Variants in TRRAP observed in about 807,000 individuals in gnomAD.
TRRAP encodes the protein transformation/transcription domain associated protein, also known as transformation/transcription domain-associated protein.
Under a neutral mutation model 438.8 loss-of-function variants are expected in TRRAP, and 41 were observed. The observed-to-expected ratio is 0.09, with a 90% CI of 0.07 to 0.12. The LOEUF (loss-of-function observed/expected upper bound fraction) is 0.12, where lower values mean the gene tolerates loss of function less well. Ranked by LOEUF, TRRAP falls within the 10% of genes least tolerant of loss-of-function variation. The probability of loss-of-function intolerance (pLI) is 1.00; values close to 1 mark genes in which losing one functional copy is unlikely to be tolerated. For synonymous variants in TRRAP, 1,994 were observed against 1,962.9 expected (o/e 1.02, Z -0.42); for missense variants, 3,122 against 5,055.1 (o/e 0.62, Z 11.60).
chr7:98,935,042 T>C (rs568353171), intron 27 of TRRAP, among the ~76,000 whole-genome samples: 80 of 152,220 alleles, frequency 5.3e-4, no homozygotes, highest in Admixed American at 9.8e-4. Flanking sequence ...AGATAACAGA[T>C]AGAGAAATAT....
chr7:98,899,348 C>T, intron 8 of TRRAP, 74 bp from the exon 9 acceptor site: 6 of 1,232,588 alleles, frequency 4.9e-6, no homozygotes, highest in Non-Finnish European at 7.2e-6. Flanking sequence ...GTGGGTGATG[C>T]TCAGTGGGCA....
chr7:98,987,370 T>C (rs977724894), intron 62 of TRRAP, among the ~76,000 whole-genome samples: 1 of 152,222 alleles, frequency 6.6e-6, no homozygotes, highest in Non-Finnish European at 1.5e-5. Flanking sequence ...TTTCCACTAG[T>C]TTAGGTCTTC....
intron 36 of TRRAP, 22 bp from the exon 37 acceptor site, chr7:98,949,638 C>G: frequency 1.9e-6 from 3 of 1,603,424 alleles, no homozygotes; most frequent in Non-Finnish European, 2.6e-6. Context: ...ACACGGTTCC[C>G]TAATTATCTC....
intron 67 of TRRAP, among the ~76,000 whole-genome samples, chr7:98,996,193 T>C (rs576445668): frequency 7.9e-5 from 12 of 152,334 alleles, no homozygotes; most frequent in Non-Finnish European, 1.3e-4. Flanking sequence ...CTGTGTCCCA[T>C]CTACACACCC....
chr7:98,888,435 G>A (rs191758144), intron 3 of TRRAP, among the ~76,000 whole-genome samples: 81 of 151,722 alleles, frequency 5.3e-4, no homozygotes, highest in Middle Eastern at 6.9e-3. Context: ...TACTCGAGAG[G>A]CTGAGGCAGG....
rs1487137678 is a variant in TRRAP, at chr7:98,976,144, C to G, written c.7840-5C>G. 1.9e-6 allele frequency: 3 copies of G among 1,613,626 alleles called. No homozygotes were observed. Among genetic ancestry groups the G allele is most frequent in the Non-Finnish European group, 2.5e-6 (3 of 1,179,856 alleles). On this transcript the variant is annotated splice_polypyrimidine_tract_variant and splice_region_variant and intron_variant, in intron 53 of 72. Transcript: ENST00000456197. This position sits in a 1 kb window ranked among gnomAD's most constrained non-coding sequence, Gnocchi z 4.6. The stretch of plus-strand genomic sequence containing the variant: ...CATCTCAGCCTGTTGTCTTTCTGTT[C>G]ATAGACTGGAGCGCTGCTCAGCGCT...
intron 62 of TRRAP, among the ~76,000 whole-genome samples, chr7:98,988,241 A>G (rs185621495): frequency 6.6e-6 from 1 of 152,356 alleles, no homozygotes; most frequent in East Asian, 1.9e-4. Context: ...AAGTAAGCAT[A>G]GAGTTCCCAC....
chr7:98,908,896 C>G lies in TRRAP; in HGVS notation c.1284C>G (p.Asp428Glu). The G allele has an allele frequency of 6.2e-7, 1 of 1,614,064 alleles. No individual in the cohort carries two copies. The highest frequency in any genetic ancestry group is 8.5e-7 in the Non-Finnish European group (1 of 1,179,990). ...MSCKLLLNLV[D>E]CIRSKSEQES... ...GCAAGCTCCTGCTGAACCTGGTGGACTGCATCCGTTCCAAGAGCGAGCAGG... is the reference window on the plus strand; with the variant it reads ...GCAAGCTCCTGCTGAACCTGGTGGAGTGCATCCGTTCCAAGAGCGAGCAGG... Residue 428 changes from aspartate to glutamate, a missense_variant, in exon 14 of 73, where the codon GAC becomes GAG. Physicochemically the swap from Asp to Glu is conservative, Grantham distance 45. This residue lies in a region of TRRAP where 343 missense variants were observed against 564.0 expected (regional missense o/e 0.61). Transcript: ENST00000456197. The surrounding 1 kb of genome is among the most constrained non-coding windows in gnomAD (Gnocchi z 4.1).
chr7:98,911,369 A>G (rs1789258365), intron 17 of TRRAP, 98 bp downstream of exon 17: 2 of 1,240,946 alleles, frequency 1.6e-6, no homozygotes, highest in Non-Finnish European at 2.2e-6. Context: ...AAAATAATGT[A>G]GCCAAGGATG....
chr7:98,957,509 G>C lies in TRRAP; in HGVS notation c.6232-472G>C, dbSNP rs184701898. ...TGCTTGAGCCCTCGCATTGACTGTG[G>C]CCTCCAGGGCCCGGGTGACCAGGCC... On this transcript the variant is annotated intron_variant, in intron 43 of 72. Coordinates refer to ENST00000456197, the MANE Select transcript of TRRAP (RefSeq NM_001375524.1). Among the ~76,000 whole-genome samples, 387 of 152,268 alleles carry C rather than the reference G, an allele frequency of 2.5e-3. 1 individual carries two copies. Among genetic ancestry groups the C allele is most frequent in the African/African-American group, 8.9e-3 (368 of 41,544 alleles).
intron 11 of TRRAP, among the ~76,000 whole-genome samples, chr7:98,901,619 A>G (rs782747317): frequency 3.3e-5 from 5 of 151,822 alleles, no homozygotes; most frequent in Non-Finnish European, 7.4e-5. Flanking sequence ...CACAATCTCA[A>G]CTCACTGTAG....
intron 52 of TRRAP, among the ~76,000 whole-genome samples, chr7:98,970,590 C>T (rs372510448): frequency 2.8e-5 from 4 of 141,854 alleles, no homozygotes; most frequent in African/African-American, 9.2e-5. Context: ...TACCTAAGTT[C>T]AGCTAGATTT....
rs782184459 is a variant in TRRAP at position 98,893,868 on chromosome 7, C to T, written c.437C>T (p.Pro146Leu). 15 of 1,613,092 alleles carry T rather than the reference C, an allele frequency of 9.3e-6. No individual in the cohort carries two copies. Among genetic ancestry groups the T allele is most frequent in the East Asian group, 4.5e-5 (2 of 44,840 alleles). The change falls in exon 6 of 73, where the codon CCG becomes CTG. Residue 146 changes from proline to leucine, a missense_variant. Pro to Leu is a moderately conservative substitution (Grantham distance 98). Transcript: ENST00000456197. ...GAGCTACACAAACAGTTCAGGCCAC[C>T]GATCACACAAGAAGTAAGTTGTTTA... is the stretch of plus-strand genomic sequence containing the variant. ...IIELHKQFRPPITQEIHHFLD... is the reference protein window; with the variant it reads ...IIELHKQFRPLITQEIHHFLD...
intron 67 of TRRAP, among the ~76,000 whole-genome samples, chr7:99,003,402 T>C (rs4729505): frequency 0.075 from 11,433 of 152,278 alleles, 610 homozygotes; most frequent in East Asian, 0.25. Context: ...TTAGGCTCAC[T>C]TTGATTACAA....
chr7:98,916,040 T>G, intron 19 of TRRAP, 152 bp downstream of exon 19: 1 of 992,182 alleles, frequency 1.0e-6, no homozygotes, highest in Non-Finnish European at 1.4e-6. Context: ...CCTGCCCCCC[T>G]CCCCTGGCCC....
intron 44 of TRRAP, among the ~76,000 whole-genome samples, chr7:98,958,834 T>C (rs1791747944): frequency 6.6e-6 from 1 of 152,214 alleles, no homozygotes; most frequent in South Asian, 2.1e-4. Context: ...TTTAGTGCTT[T>C]GATAACTTGA....
intron 58 of TRRAP, among the ~76,000 whole-genome samples, chr7:98,979,807 G>T (rs954602542): frequency 6.6e-6 from 1 of 152,154 alleles, no homozygotes; most frequent in African/African-American, 2.4e-5. Context: ...ACTCAAATAT[G>T]TGAGTAAACA....
At chr7:98,955,600 A>G (rs1791564632) in intron 41 of TRRAP, among the ~76,000 whole-genome samples, 1 of 152,194 alleles carries the variant, frequency 6.6e-6, no homozygotes, top group South Asian at 2.1e-4. Context: ...GGTGGGAGAT[A>G]GTCCTCATTG....
chr7:98,899,733 A>G lies in TRRAP; in HGVS notation c.766A>G (p.Asn256Asp). The G allele has an allele frequency of 1.2e-6, 2 of 1,614,174 alleles. No individual in the cohort carries two copies. Among genetic ancestry groups the G allele is most frequent in the Non-Finnish European group, 1.7e-6 (2 of 1,180,024 alleles). ...TGCTGAGTTTGTGCCCTTGATCATGAACACCATTGCCATTCAGGTGTCTGC... is the reference window on the plus strand; with the variant it reads ...TGCTGAGTTTGTGCCCTTGATCATGGACACCATTGCCATTCAGGTGTCTGC... ...VVAEFVPLIM[N>D]TIAIQVSAQA... is the part of the protein sequence containing the mutation. Residue 256 changes from asparagine to aspartate, a missense_variant, in exon 10 of 73, where the codon AAC (asparagine) becomes GAC (aspartate). Around this residue, in one of 24 missense-constraint regions of TRRAP, gnomAD observed 343 missense variants for 564.0 expected, o/e 0.61. Transcript: ENST00000456197.
Sources: gnomAD v4.1 joint callset for allele counts (sites outside exome capture counted in the v4.1 genomes callset) on GRCh38, gnomAD v4.1.1 for gene constraint, gnomAD v4.1.1 regional missense constraint, Gnocchi (gnomAD v3.1) non-coding constraint, MANE v1.5 for transcripts, NCBI Gene and HGNC (gene_info 2026-07-23, HGNC 2026-07-21) for gene names.